The following ZNF679 variants were observed in gnomAD, a reference collection of about 807,000 sequenced individuals.
The protein encoded by ZNF679 is zinc finger protein 679, also known as hypothetical protein MGC42415.
A neutral mutation model predicts 13.4 loss-of-function variants in ZNF679; 10 were observed. The observed-to-expected ratio is 0.75, with a 90% CI of 0.46 to 1.27. The LOEUF (loss-of-function observed/expected upper bound fraction) is 1.27, where lower values mean the gene tolerates loss of function less well. ZNF679 is among the 50% of genes most tolerant of loss of function. ZNF679 has a pLI of 0.00. For synonymous variants in ZNF679, 179 were observed against 162.5 expected (o/e 1.10, Z -0.77); for missense variants, 525 against 477.8 (o/e 1.10, Z -0.92).
chr7:64,236,588 C>T (rs1251485115), intron 1 of ZNF679, among the ~76,000 whole-genome samples: 1 of 151,994 alleles, frequency 6.6e-6, no homozygotes, highest in Admixed American at 6.6e-5. Flanking sequence ...AGTTTGAGAC[C>T]AGCCTGGCCA....
At chr7:64,264,491 G>A (rs1281136332) in intron 4 of ZNF679, among the ~76,000 whole-genome samples, 1 of 151,846 alleles carries the variant, frequency 6.6e-6, no homozygotes, top group African/African-American at 2.4e-5. Context: ...ATATGATTAT[G>A]TATTTTTTTC....
At chr7:64,245,918 A>C (rs1787863504) in intron 1 of ZNF679, among the ~76,000 whole-genome samples, 1 of 152,214 alleles carries the variant, frequency 6.6e-6, no homozygotes, top group Non-Finnish European at 1.5e-5. Context: ...AGGCAGGAGA[A>C]TCGCTTGAAC....
At chr7:64,233,482 C>G (rs918787029) in intron 1 of ZNF679, among the ~76,000 whole-genome samples, 2 of 152,000 alleles carry the variant, frequency 1.3e-5, no homozygotes, top group Non-Finnish European at 2.9e-5. Context: ...CAGAGTGAGA[C>G]TCTGTCTCAA....
intron 2 of ZNF679, among the ~76,000 whole-genome samples, chr7:64,258,803 GTT>G (rs1163803269): frequency 1.5e-4 from 23 of 151,822 alleles, no homozygotes; most frequent in Non-Finnish European, 2.5e-4. Flanking sequence ...TACCTAATGA[GTT>G]TGTTTCAATT....
In ZNF679 at chr7:64,266,502, A is replaced by G; in HGVS notation, c.869A>G (p.His290Arg). ...ACACTTGCTAACCACAAGAGAATTC[A>G]TACTGGAGAGAAACCATACACATGT... is the stretch of plus-strand genomic sequence containing the variant. Reference protein sequence around the residue: ...SSTLANHKRIHTGEKPYTCEE... With the variant: ...SSTLANHKRIRTGEKPYTCEE... Residue 290 changes from histidine (H) to arginine (R), a missense_variant, in exon 5 of 5, where the codon CAT becomes CGT. Physicochemically the swap from His to Arg is conservative, Grantham distance 29. Transcript: ENST00000421025. The G allele has an allele frequency of 1.2e-6, 2 of 1,613,616 alleles. No individual in the cohort carries two copies. The highest frequency in any genetic ancestry group is 1.7e-6 in the Non-Finnish European group (2 of 1,179,816).
chr7:64,251,150 T>C (rs1179128513), intron 2 of ZNF679, among the ~76,000 whole-genome samples: 2 of 152,080 alleles, frequency 1.3e-5, no homozygotes, highest in African/African-American at 4.8e-5. Flanking sequence ...TTTATAAATA[T>C]TTCACATAAG....
At chr7:64,259,375 C>T (rs529920766) in intron 2 of ZNF679, among the ~76,000 whole-genome samples, 5 of 152,276 alleles carry the variant, frequency 3.3e-5, no homozygotes, top group Admixed American at 2.6e-4. Flanking sequence ...ACACAGTTGT[C>T]TTTGGATATT....
rs1468316400 is a variant in ZNF679 at position 64,259,743 on chromosome 7, C to T, written c.40-478C>T. On this transcript the variant is annotated intron_variant, in intron 2 of 4. Transcript: ENST00000421025. ...AGGAGTTCAAGACAAGCCTGGCCAA[C>T]GTGGAGAAACCCCATCTCTACTAAA... Among the ~76,000 whole-genome samples the T allele has an allele frequency of 6.6e-5, 10 of 152,034 alleles. No homozygotes were observed. In the South Asian group the frequency reaches 1.5e-3, roughly 22 times the overall value.
intron 2 of ZNF679, among the ~76,000 whole-genome samples, chr7:64,252,806 A>G (rs1431435625): frequency 2.0e-5 from 3 of 152,108 alleles, no homozygotes. Flanking sequence ...CAACCTCCGA[A>G]AACTGGGTTC....
intron 4 of ZNF679, among the ~76,000 whole-genome samples, chr7:64,264,519 G>A (rs765397606): frequency 3.3e-5 from 5 of 151,616 alleles, no homozygotes; most frequent in East Asian, 1.9e-4. Context: ...TATTTTAAGC[G>A]GCAGGACCTC....
At chr7:64,238,683 C>T (rs1253778350) in intron 1 of ZNF679, among the ~76,000 whole-genome samples, 1 of 152,186 alleles carries the variant, frequency 6.6e-6, no homozygotes, top group Non-Finnish European at 1.5e-5. Flanking sequence ...CCACTGTGCC[C>T]AGCCACAACA....
chr7:64,237,133 G>A (rs1397943355), intron 1 of ZNF679, among the ~76,000 whole-genome samples: 1 of 152,148 alleles, frequency 6.6e-6, no homozygotes, highest in African/African-American at 2.4e-5. Context: ...CAGGCAGATG[G>A]GAGGGATGGA....
intron 2 of ZNF679, among the ~76,000 whole-genome samples, chr7:64,257,518 G>C (rs1430549155): frequency 1.3e-5 from 2 of 152,102 alleles, no homozygotes; most frequent in African/African-American, 4.8e-5. Context: ...TCAACACTTA[G>C]TAGCAACTCC....
At position 64,233,055 on chromosome 7, in the gene ZNF679, T is replaced by C. The variant is rs1787661591; in HGVS notation, c.-91+4403T>C. On this transcript the variant is annotated intron_variant, in intron 1 of 4. Transcript: ENST00000421025. The stretch of plus-strand genomic sequence containing the variant: ...CAGGAGTTCAAGACCAGCTGGCCAA[T>C]ATGGTAAAAACCCCGTGTCTACTAA... 2.6e-5 allele frequency among the ~76,000 whole-genome samples: 4 copies of C among 151,776 alleles called. No individual in the cohort carries two copies. In the South Asian group the frequency reaches 8.3e-4, roughly 32 times the overall value.
intron 1 of ZNF679, among the ~76,000 whole-genome samples, chr7:64,234,456 G>A (rs751786164): frequency 6.6e-6 from 1 of 152,170 alleles, no homozygotes; most frequent in Non-Finnish European, 1.5e-5. Context: ...TGAGTAAAAT[G>A]TGGGGGGACA....
chr7:64,257,028 C>T (rs62461248), intron 2 of ZNF679, among the ~76,000 whole-genome samples: 5,803 of 152,126 alleles, frequency 0.038, 170 homozygotes, highest in Admixed American at 0.088. Context: ...TATGTCTCAC[C>T]TTCTTAATTT....
At chr7:64,233,709 A>G (rs1375447465) in intron 1 of ZNF679, among the ~76,000 whole-genome samples, 1 of 152,048 alleles carries the variant, frequency 6.6e-6, no homozygotes, top group Non-Finnish European at 1.5e-5. Context: ...TTCATTCCCA[A>G]TTGCAAGACA....
intron 1 of ZNF679, among the ~76,000 whole-genome samples, chr7:64,230,132 G>A (rs1787616774): frequency 6.6e-6 from 1 of 152,104 alleles, no homozygotes. Flanking sequence ...CTAGGTGATG[G>A]GTCTAAAAAT....
At chr7:64,249,568 A>G (rs1323512219) in intron 2 of ZNF679, among the ~76,000 whole-genome samples, 2 of 152,200 alleles carry the variant, frequency 1.3e-5, no homozygotes, top group Non-Finnish European at 2.9e-5. Context: ...GAGTCACTGT[A>G]AAAATATTAG....
Sources: allele counts gnomAD v4.1 joint callset (sites outside exome capture counted in the v4.1 genomes callset), GRCh38; gene constraint gnomAD v4.1.1; transcripts MANE v1.5; gene names NCBI Gene and HGNC (gene_info 2026-07-23, HGNC 2026-07-21).